Variants in TRPM3 observed in about 807,000 individuals in gnomAD.
TRPM3 encodes the protein transient receptor potential cation channel subfamily M member 3, also known as long transient receptor potential channel 3.
Under a neutral mutation model 181.2 loss-of-function variants are expected in TRPM3, and 77 were observed. The ratio of observed to expected loss-of-function variants is 0.42; its 90% CI spans 0.35 to 0.51. The LOEUF is 0.51. Ranked by LOEUF, TRPM3 falls within the 20% of genes least tolerant of loss-of-function variation. The pLI, the probability that TRPM3 is intolerant of heterozygous loss-of-function variation, is 0.01. For synonymous variants in TRPM3, 745 were observed against 796.4 expected (o/e 0.94, Z 1.09); for missense variants, 1,759 against 2,196.7 (o/e 0.80, Z 3.98).
At chr9:71,197,921 G>C (rs1266115717) in intron 1 of TRPM3, among the ~76,000 whole-genome samples, 13 of 150,820 alleles carry the variant, frequency 8.6e-5, no homozygotes, top group Non-Finnish European at 1.6e-4. Flanking sequence ...ATTGCTTTTG[G>C]TGTTTCAGAC....
rs943686966 is a variant in TRPM3 at position 70,827,603 on chromosome 9, T to C, written c.973+244A>G. On this transcript the variant is annotated intron_variant, in intron 6 of 25. Transcript: ENST00000677713. ...CTTATCTGCATACACATACCCCAGATGGAGTTGAATTTTTCACACATGATA... is the reference window on the plus strand; with the variant it reads ...CTTATCTGCATACACATACCCCAGACGGAGTTGAATTTTTCACACATGATA... The C allele has an allele frequency of 7.7e-6, 3 of 390,538 alleles. No homozygotes were observed. In the Admixed American group the frequency reaches 1.1e-4, roughly 15 times the overall value. 24.2% of individuals were successfully genotyped at this position (390,538 alleles called of 1,614,324 possible).
chr9:70,688,930 T>C (rs2067725843), intron 8 of TRPM3, among the ~76,000 whole-genome samples: 1 of 152,192 alleles, frequency 6.6e-6, no homozygotes, highest in South Asian at 2.1e-4. Flanking sequence ...TTATTTGCAG[T>C]CAGGAGTCCT....
At chr9:71,065,800 C>A (rs2061844228) in intron 1 of TRPM3, among the ~76,000 whole-genome samples, 1 of 152,166 alleles carries the variant, frequency 6.6e-6, no homozygotes, top group Non-Finnish European at 1.5e-5. Flanking sequence ...CTAATTTGCA[C>A]ACACTTTCTT....
At chr9:71,321,087 A>G (rs2089182103) in intron 1 of TRPM3, among the ~76,000 whole-genome samples, 1 of 152,144 alleles carries the variant, frequency 6.6e-6, no homozygotes, top group South Asian at 2.1e-4. Context: ...CAATTTAAGC[A>G]ACTACCTAAC....
intron 1 of TRPM3, among the ~76,000 whole-genome samples, chr9:71,009,385 TTCAG>T (rs2097712959): frequency 6.6e-6 from 1 of 152,110 alleles, no homozygotes; most frequent in South Asian, 2.1e-4. Context: ...CATAAAAAAA[TTCAG>T]TAAAGTTGCA....
intron 1 of TRPM3, among the ~76,000 whole-genome samples, chr9:71,314,523 G>A (rs754905809): frequency 6.6e-6 from 1 of 152,098 alleles, no homozygotes; most frequent in Non-Finnish European, 1.5e-5. Flanking sequence ...AGAAGCAATG[G>A]AGAGGGAAAC....
intron 1 of TRPM3, among the ~76,000 whole-genome samples, chr9:71,376,250 CTCA>C (rs1012769555): frequency 8.6e-5 from 13 of 151,864 alleles, no homozygotes; most frequent in African/African-American, 2.9e-4. Context: ...AATTTTATAT[CTCA>C]TCATTTTTAT....
At chr9:71,328,768 C>G in intron 1 of TRPM3, among the ~76,000 whole-genome samples, 1 of 152,176 alleles carries the variant, frequency 6.6e-6, no homozygotes, top group East Asian at 1.9e-4. Context: ...TACAAAAGCT[C>G]CTTCAACTGC....
chr9:71,406,207 C>T (rs759313599), intron 1 of TRPM3, among the ~76,000 whole-genome samples: 20 of 152,186 alleles, frequency 1.3e-4, no homozygotes, highest in East Asian at 3.9e-4. Flanking sequence ...GAGAGTTGCA[C>T]GATGCCTATG....
chr9:70,625,410 T>G lies in TRPM3; in HGVS notation c.1668+72A>C. Reference sequence around the variant, plus strand: ...TAGGGATTCTACTTCACGTATTCTGTAACTAGAGTAAAAAAAAAATAATGA... The same window carrying G: ...TAGGGATTCTACTTCACGTATTCTGGAACTAGAGTAAAAAAAAAATAATGA... On this transcript the variant is annotated intron_variant, in intron 13 of 25. Coordinates refer to ENST00000677713, the MANE Select transcript of TRPM3 (RefSeq NM_001366145.2). This position sits in a 1 kb window ranked among gnomAD's most constrained non-coding sequence, Gnocchi z 4.8. The G allele has an allele frequency of 6.3e-7, 1 of 1,587,642 alleles. No individual in the cohort carries two copies. The highest frequency in any genetic ancestry group is 8.6e-7 in the Non-Finnish European group (1 of 1,168,800).
intron 1 of TRPM3, among the ~76,000 whole-genome samples, chr9:71,059,766 A>G (rs772740627): frequency 6.6e-6 from 1 of 152,064 alleles, no homozygotes; most frequent in Non-Finnish European, 1.5e-5. Flanking sequence ...CCTGCCCTAC[A>G]TATTTTGGAC....
intron 1 of TRPM3, among the ~76,000 whole-genome samples, chr9:71,089,503 G>T (rs2065851044): frequency 6.6e-6 from 1 of 150,962 alleles, no homozygotes; most frequent in Non-Finnish European, 1.5e-5. Context: ...AGGCATCTAG[G>T]TACTACAGAG....
chr9:70,776,441 C>T (rs867120552), intron 7 of TRPM3: 2 of 713,946 alleles, frequency 2.8e-6, no homozygotes, highest in South Asian at 1.5e-5. Flanking sequence ...CCTTTGCTTT[C>T]CTCTTCCTTT....
chr9:71,113,493 C>A (rs879765550), intron 1 of TRPM3, among the ~76,000 whole-genome samples: 1 of 152,160 alleles, frequency 6.6e-6, no homozygotes, highest in Non-Finnish European at 1.5e-5. Flanking sequence ...ACTTAATGTG[C>A]TTTCTCTGCT....
At chr9:71,221,756 A>G (rs1410191547) in intron 1 of TRPM3, among the ~76,000 whole-genome samples, 1 of 152,236 alleles carries the variant, frequency 6.6e-6, no homozygotes, top group Non-Finnish European at 1.5e-5. Context: ...TGGGAACCCC[A>G]TCTGGCAATG....
At chr9:71,245,625 T>C (rs1268674328) in intron 1 of TRPM3, among the ~76,000 whole-genome samples, 1 of 152,148 alleles carries the variant, frequency 6.6e-6, no homozygotes, top group African/African-American at 2.4e-5. Flanking sequence ...TGGGATAGGC[T>C]TTAACCAGGG....
At chr9:71,209,166 T>C (rs1382389823) in intron 1 of TRPM3, among the ~76,000 whole-genome samples, 1 of 152,152 alleles carries the variant, frequency 6.6e-6, no homozygotes, top group Non-Finnish European at 1.5e-5. Context: ...AAGTGCTTGC[T>C]TTTTAAGGAA....
chr9:70,889,154 T>A (rs1394674677), intron 1 of TRPM3, among the ~76,000 whole-genome samples: 1 of 152,120 alleles, frequency 6.6e-6, no homozygotes, highest in Non-Finnish European at 1.5e-5. Flanking sequence ...GCACCAGGTA[T>A]TTTTAAAGGC....
intron 1 of TRPM3, among the ~76,000 whole-genome samples, chr9:71,353,855 A>T (rs1007662019): frequency 6.6e-6 from 1 of 152,224 alleles, no homozygotes; most frequent in Non-Finnish European, 1.5e-5. Flanking sequence ...CCTTAACCAC[A>T]GTAGTTTCTA....
Sources: gnomAD v4.1 joint callset for allele counts (sites outside exome capture counted in the v4.1 genomes callset) on GRCh38, gnomAD v4.1.1 for gene constraint, Gnocchi (gnomAD v3.1) non-coding constraint, MANE v1.5 for transcripts, NCBI Gene and HGNC (gene_info 2026-07-23, HGNC 2026-07-21) for gene names.